BRWD3: variants seen among roughly 807,000 people sequenced by gnomAD.
BRWD3 encodes the protein bromodomain and WD repeat domain containing 3.
Under a neutral mutation model 149.7 loss-of-function variants are expected in BRWD3, and 10 were observed. The observed-to-expected ratio is 0.07, with a 90% confidence interval of 0.04 to 0.11. BRWD3 has a LOEUF of 0.11. Ranked by LOEUF, BRWD3 falls within the 10% of genes least tolerant of loss-of-function variation. The pLI is 1.00. For missense variants in BRWD3, 940 were observed against 1,373.2 expected, an observed-to-expected ratio of 0.68 and a Z score of 4.99; for synonymous variants, 504 against 456.7, an observed-to-expected ratio of 1.10 and a Z score of -1.32.
intron 8 of BRWD3, among the ~76,000 whole-genome samples, chrX:80,740,356 A>C (rs1271992794): frequency 8.9e-6 from 1 of 112,395 alleles, no homozygotes; most frequent in African/African-American, 3.2e-5. Flanking sequence ...TTAAATAAAA[A>C]ATATTTTAAG....
chrX:80,744,856 G>A (rs964436412), intron 7 of BRWD3, among the ~76,000 whole-genome samples: 3 of 111,270 alleles, frequency 2.7e-5, no homozygotes, highest in South Asian at 3.7e-4. Flanking sequence ...CTTATGTGAC[G>A]CATTTAGAGC....
In BRWD3 at chrX:80,699,818, A is replaced by G. The variant is rs1250899391; in HGVS notation, c.2943+139T>C. 33 of 498,027 alleles carry G rather than the reference A, an allele frequency of 6.6e-5. No homozygotes were observed. In the South Asian group the frequency reaches 9.1e-4, roughly 14 times the overall value. 41.0% of individuals were successfully genotyped at this position (498,027 alleles called of 1,213,427 possible). A position where few individuals can be genotyped will look rare whatever the true frequency, so the allele number is the denominator to read the frequency against. On this transcript the variant is annotated intron_variant, in intron 25 of 40. Coordinates refer to ENST00000373275, the MANE Select transcript of BRWD3 (RefSeq NM_153252.5). ...TGTGATCCATAATATTCAGTTCTAC[A>G]AGAGTATAGATCATCATCTTATCTT...
chrX:80,747,788 C>T (rs2073613338), intron 6 of BRWD3, among the ~76,000 whole-genome samples: 1 of 111,729 alleles, frequency 9.0e-6, no homozygotes, highest in Non-Finnish European at 1.9e-5. Context: ...TTGTAATCTG[C>T]AACATTACTC....
chrX:80,675,127 T>C lies in BRWD3; in HGVS notation c.*1482A>G, dbSNP rs745849020. 2 of 111,780 alleles carry C rather than the reference T, an allele frequency of 1.8e-5. No homozygotes were observed. The highest frequency in any genetic ancestry group is 3.8e-5 in the Non-Finnish European group (2 of 53,088). The allele number at this position is 111,780 out of a possible 1,213,427, so 9.2% of individuals were successfully genotyped here. A position where few individuals can be genotyped will look rare whatever the true frequency, so the allele number is the denominator to read the frequency against. The stretch of plus-strand genomic sequence containing the variant: ...TAATATTAAATTTGGGGAGTAAAAC[T>C]GACCTTGGAACTCAAGCTCACTTAT... On this transcript the variant is annotated 3_prime_UTR_variant, in exon 41 of 41. Coordinates refer to ENST00000373275, the MANE Select transcript of BRWD3 (RefSeq NM_153252.5).
rs773407704 is a variant in BRWD3, at chrX:80,686,902, C to T, written c.3966G>A (p.Ser1322=). ...LLSLIYERED[S]EPFRQPADLL... Reference sequence around the variant, plus strand: ...GATCAGCTGGCTGTCGAAATGGCTCCGAGTCTTCACGTTCATAAATGAGGC... The same window carrying T: ...GATCAGCTGGCTGTCGAAATGGCTCTGAGTCTTCACGTTCATAAATGAGGC... Residue 1322 remains serine (S), a synonymous_variant, in exon 35 of 41, where the codon TCG becomes TCA. Coordinates refer to ENST00000373275, the MANE Select transcript of BRWD3 (RefSeq NM_153252.5). 7 of 1,207,099 alleles carry T rather than the reference C, an allele frequency of 5.8e-6. No homozygotes were observed. The highest frequency in any genetic ancestry group is 4.4e-5 in the Admixed American group (2 of 45,466).
chrX:80,794,042 G>A (rs1368089953), intron 4 of BRWD3, among the ~76,000 whole-genome samples: 1 of 110,725 alleles, frequency 9.0e-6, no homozygotes, highest in Non-Finnish European at 1.9e-5. Flanking sequence ...GCCAGGCGTG[G>A]TGCTGCACGC....
intron 6 of BRWD3, among the ~76,000 whole-genome samples, chrX:80,773,256 A>G (rs949380156): frequency 1.8e-5 from 2 of 111,486 alleles, no homozygotes; most frequent in Admixed American, 1.9e-4. Flanking sequence ...AGGACATCTG[A>G]TATGACCACA....
chrX:80,751,032 T>A (rs1348470945), intron 6 of BRWD3, among the ~76,000 whole-genome samples: 1 of 111,069 alleles, frequency 9.0e-6, no homozygotes, highest in Non-Finnish European at 1.9e-5. Context: ...ATCATTTATG[T>A]AGAAGCTAAA....
At chrX:80,731,894 CAAAAAAAA>C (rs760738184) in intron 12 of BRWD3, among the ~76,000 whole-genome samples, 25 of 22,918 alleles carry the variant, frequency 1.1e-3, no homozygotes, top group African/African-American at 3.4e-3. Context: ...GACTCTGTCT[CAAAAAAAA>C]AAAAAAAAAA....
intron 14 of BRWD3, among the ~76,000 whole-genome samples, chrX:80,728,001 T>C (rs772685224): frequency 1.7e-3 from 185 of 111,804 alleles, no homozygotes; most frequent in African/African-American, 5.8e-3. Flanking sequence ...ATTTGCAAAA[T>C]AGAAGAACTT....
At chrX:80,749,792 T>A (rs2073641725) in intron 6 of BRWD3, among the ~76,000 whole-genome samples, 1 of 111,681 alleles carries the variant, frequency 9.0e-6, no homozygotes, top group Non-Finnish European at 1.9e-5. Context: ...AAAACACTCT[T>A]ATGCAAAAAC....
rs773636366 is a variant in BRWD3, at chrX:80,701,463, G to A, written c.2836-1399C>T. ...CTCCAGAGACTGAGGCAGGAGGATC[G>A]CTTTGAACCCAGGAGGTAGAGGTTG... is the stretch of plus-strand genomic sequence containing the variant. On this transcript the variant is annotated intron_variant, in intron 24 of 40. Coordinates refer to ENST00000373275, the MANE Select transcript of BRWD3 (RefSeq NM_153252.5). Among the ~76,000 whole-genome samples the A allele has an allele frequency of 4.1e-5, 4 of 98,458 alleles. No individual in the cohort carries two copies. The South Asian group carries it at 1.4e-3, about 35-fold the overall frequency. 85.5% of individuals were successfully genotyped at this position (98,458 alleles called of 115,157 possible).
chrX:80,760,568 A>G (rs888259555), intron 6 of BRWD3, among the ~76,000 whole-genome samples: 7 of 111,974 alleles, frequency 6.3e-5, no homozygotes, highest in African/African-American at 1.9e-4. Context: ...GTGCACTGGA[A>G]TATTATTCAC....
chrX:80,698,471 G>A (rs1371685645), intron 25 of BRWD3, among the ~76,000 whole-genome samples: 2 of 111,215 alleles, frequency 1.8e-5, no homozygotes, highest in African/African-American at 6.5e-5. Context: ...CACTTTTGGA[G>A]GCCAAGTCGG....
At position 80,691,965 on chromosome X, in the gene BRWD3, A is replaced by G. The variant is rs1026085712; in HGVS notation, c.3339T>C (p.Asp1113=). 4 of 1,203,965 alleles carry G rather than the reference A, an allele frequency of 3.3e-6. No individual in the cohort carries two copies. The highest frequency in any genetic ancestry group is 3.5e-5 in the African/African-American group (2 of 56,391). The change falls in exon 30 of 41, where the codon GAT becomes GAC. Residue 1113 remains aspartate (D), a synonymous_variant. Coordinates refer to ENST00000373275, the MANE Select transcript of BRWD3 (RefSeq NM_153252.5). ...AGACAGGAACACCAGCACCAACTTC[A>G]TCTGGAAAGGCAGCTAGGTATAAGA... is the stretch of plus-strand genomic sequence containing the variant. The part of the protein sequence containing the change: ...EPIPEGTAFP[D]EVGAGVPVSQ...
At chrX:80,686,799 T>A in intron 35 of BRWD3, 64 bp downstream of exon 35, 1 of 1,149,828 alleles carries the variant, frequency 8.7e-7, no homozygotes, top group Non-Finnish European at 1.2e-6. Context: ...CTTATCTAGA[T>A]TTTAGCATGG....
rs771487426 is a variant in BRWD3 at position 80,675,825 on chromosome X, T to C, written c.*784A>G. On this transcript the variant is annotated 3_prime_UTR_variant, in exon 41 of 41. Transcript: ENST00000373275. Reference sequence around the variant, plus strand: ...AAATTGATGCGGGAAACTTTTGCATTTGGCACCTTGTCTAGATTGATACCT... The same window carrying C: ...AAATTGATGCGGGAAACTTTTGCATCTGGCACCTTGTCTAGATTGATACCT... 1 of 111,826 alleles carries C rather than the reference T, an allele frequency of 8.9e-6. No individual in the cohort carries two copies. The highest frequency in any genetic ancestry group is 1.9e-5 in the Non-Finnish European group (1 of 53,111). 9.2% of individuals were successfully genotyped at this position (111,826 alleles called of 1,213,427 possible).
intron 6 of BRWD3, among the ~76,000 whole-genome samples, chrX:80,791,591 A>G (rs1245197044): frequency 1.8e-5 from 2 of 112,213 alleles, no homozygotes; most frequent in African/African-American, 3.2e-5. Flanking sequence ...AAAAACGTCT[A>G]TACTATATTA....
At chrX:80,689,626 A>G in intron 33 of BRWD3, 142 bp downstream of exon 33, 1 of 515,732 alleles carries the variant, frequency 1.9e-6, no homozygotes, top group South Asian at 2.9e-5. Flanking sequence ...CCATCTAAGT[A>G]CACTTTAAAA....
Sources: allele counts gnomAD v4.1 joint callset (sites outside exome capture counted in the v4.1 genomes callset), GRCh38; gene constraint gnomAD v4.1.1; transcripts MANE v1.5; gene names NCBI Gene and HGNC (gene_info 2026-07-23, HGNC 2026-07-21).